PRKCE: variants seen among roughly 807,000 people sequenced by gnomAD.
PRKCE encodes the protein protein kinase C epsilon type.
Under a neutral mutation model 85.4 loss-of-function variants are expected in PRKCE, and 16 were observed. The observed-to-expected ratio is 0.19, with a 90% CI of 0.13 to 0.28. The LOEUF is 0.28. Ranked by LOEUF, PRKCE falls within the 10% of genes least tolerant of loss-of-function variation. The pLI is 1.00. For missense variants in PRKCE, 573 were observed against 975.2 expected, an observed-to-expected ratio of 0.59 and a Z score of 5.49; for synonymous variants, 388 against 371.5, an observed-to-expected ratio of 1.04 and a Z score of -0.51.
chr2:45,790,367 G>T (rs1054110433), intron 1 of PRKCE, among the ~76,000 whole-genome samples: 1 of 152,182 alleles, frequency 6.6e-6, no homozygotes, highest in Non-Finnish European at 1.5e-5. Context: ...TGCAGGATGC[G>T]CTGAGAAAAA....
chr2:45,686,846 C>G (rs1350698617), intron 1 of PRKCE, among the ~76,000 whole-genome samples: 1 of 152,076 alleles, frequency 6.6e-6, no homozygotes, highest in African/African-American at 2.4e-5. Context: ...GAAAATTTGT[C>G]TTTGGTGGCA....
At chr2:45,908,629 GC>G (rs1697159536) in intron 2 of PRKCE, among the ~76,000 whole-genome samples, 1 of 152,262 alleles carries the variant, frequency 6.6e-6, no homozygotes, top group East Asian at 1.9e-4. Context: ...CACTGGTATA[GC>G]CTGGATATCT....
intron 1 of PRKCE, among the ~76,000 whole-genome samples, chr2:45,762,294 C>T (rs976739283): frequency 1.6e-4 from 25 of 152,124 alleles, no homozygotes; most frequent in African/African-American, 5.6e-4. Flanking sequence ...GGGATGTTGC[C>T]CAGCGGGTCT....
In PRKCE at chr2:46,025,011, G is replaced by T. The variant is rs182181055; in HGVS notation, c.1437+14494G>T. Among the ~76,000 whole-genome samples, 78 of 152,272 alleles carry T rather than the reference G, an allele frequency of 5.1e-4. 1 individual carries two copies. Among genetic ancestry groups the T allele is most frequent in the Non-Finnish European group, 9.8e-4 (67 of 68,034 alleles). ...AGTATCTTTTGATGTACATAACTCA[G>T]AGATTAAACACACTTCACAAAGTAT... On this transcript the variant is annotated intron_variant, in intron 10 of 14. Coordinates refer to ENST00000306156, the MANE Select transcript of PRKCE (RefSeq NM_005400.3).
intron 1 of PRKCE, among the ~76,000 whole-genome samples, chr2:45,682,050 G>A (rs1186659952): frequency 2.6e-5 from 4 of 152,132 alleles, no homozygotes; most frequent in Non-Finnish European, 5.9e-5. Context: ...TTATGAAATG[G>A]TAGTGTTTAA....
chr2:46,074,429 C>CAAAAAAAAAAAAAAAAAAAAAAAA (rs11287357), intron 10 of PRKCE, among the ~76,000 whole-genome samples: 13 of 93,846 alleles, frequency 1.4e-4, no homozygotes, highest in South Asian at 4.1e-4. Context: ...CAACAACAAC[C>CAAAAAAAAAAAAAAAAAAAAAAAA]AAAAAAAAAA....
At chr2:45,669,169 C>A (rs1442510484) in intron 1 of PRKCE, among the ~76,000 whole-genome samples, 1 of 152,096 alleles carries the variant, frequency 6.6e-6, no homozygotes, top group Non-Finnish European at 1.5e-5. Flanking sequence ...AAAAATTTTT[C>A]TTTATCACTG....
At chr2:46,150,320 T>C (rs1676494712) in intron 12 of PRKCE, among the ~76,000 whole-genome samples, 1 of 152,162 alleles carries the variant, frequency 6.6e-6, no homozygotes. Context: ...CGATTCTGGC[T>C]ATTGCAATAG....
intron 2 of PRKCE, among the ~76,000 whole-genome samples, chr2:45,884,428 C>G (rs1221711858): frequency 6.6e-6 from 1 of 152,168 alleles, no homozygotes; most frequent in East Asian, 1.9e-4. Context: ...GGGTTCAAGA[C>G]CAGATCTCCC....
chr2:45,846,552 AC>A (rs896320701), intron 2 of PRKCE, among the ~76,000 whole-genome samples: 1 of 152,236 alleles, frequency 6.6e-6, no homozygotes, highest in Non-Finnish European at 1.5e-5. Flanking sequence ...CACGTACCTC[AC>A]AAATGATGCA....
At chr2:45,984,433 G>C in intron 5 of PRKCE, 118 bp from the exon 6 acceptor site, 2 of 1,441,502 alleles carry the variant, frequency 1.4e-6, no homozygotes, top group South Asian at 2.7e-5. Flanking sequence ...CCAAGCTAGG[G>C]CCTGCCACCT....
intron 11 of PRKCE, among the ~76,000 whole-genome samples, chr2:46,086,719 C>T (rs1156406482): frequency 2.6e-5 from 4 of 152,158 alleles, no homozygotes; most frequent in Non-Finnish European, 4.4e-5. Flanking sequence ...TCTTCTGTGC[C>T]ATGAACTTCC....
chr2:45,916,418 A>C (rs973999496), intron 2 of PRKCE, among the ~76,000 whole-genome samples: 19 of 151,856 alleles, frequency 1.3e-4, no homozygotes, highest in Middle Eastern at 3.2e-3. Context: ...TAAAAAAAAA[A>C]TTTCATGTGT....
chr2:45,869,781 C>T (rs768558766), intron 2 of PRKCE, among the ~76,000 whole-genome samples: 3 of 139,216 alleles, frequency 2.2e-5, no homozygotes, highest in Non-Finnish European at 3.0e-5. Flanking sequence ...GATCTAGGCT[C>T]ACTGCAACGT....
At chr2:45,835,623 G>A (rs77170001) in intron 1 of PRKCE, among the ~76,000 whole-genome samples, 2,803 of 149,602 alleles carry the variant, frequency 0.019, 102 homozygotes, top group African/African-American at 0.065. Flanking sequence ...TTAAGAGACA[G>A]GATCTCACCT....
intron 1 of PRKCE, among the ~76,000 whole-genome samples, chr2:45,827,175 A>G (rs28371391): frequency 0.63 from 96,045 of 152,136 alleles, 31,580 homozygotes; most frequent in African/African-American, 0.82. Flanking sequence ...GGCAAAGACC[A>G]AGTCTTCCCC....
At chr2:45,944,476 C>A (rs1700095809) in intron 2 of PRKCE, among the ~76,000 whole-genome samples, 2 of 151,926 alleles carry the variant, frequency 1.3e-5, no homozygotes, top group Admixed American at 1.3e-4. Context: ...GTAAATTCGT[C>A]CTCAATTTAT....
At chr2:45,889,241 G>T (rs947562003) in intron 2 of PRKCE, among the ~76,000 whole-genome samples, 1 of 152,094 alleles carries the variant, frequency 6.6e-6, no homozygotes, top group Non-Finnish European at 1.5e-5. Flanking sequence ...AGCTGCAGTG[G>T]TACCACGTGA....
At chr2:45,847,046 C>T (rs886972326) in intron 2 of PRKCE, among the ~76,000 whole-genome samples, 1 of 152,202 alleles carries the variant, frequency 6.6e-6, no homozygotes, top group Non-Finnish European at 1.5e-5. Flanking sequence ...AGCCAGGTAC[C>T]AAAGAGGCGA....
Sources: allele counts gnomAD v4.1 joint callset (sites outside exome capture counted in the v4.1 genomes callset), GRCh38; gene constraint gnomAD v4.1.1; transcripts MANE v1.5; gene names NCBI Gene and HGNC (gene_info 2026-07-23, HGNC 2026-07-21).